Variants in MCM7 observed in about 807,000 individuals in gnomAD.
MCM7 encodes minichromosome maintenance complex component 7.
A neutral mutation model predicts 83.5 loss-of-function variants in MCM7; 95 were observed. The observed-to-expected ratio is 1.14, with a 90% CI of 0.96 to 1.35. MCM7 has a LOEUF of 1.35. MCM7 is among the 40% of genes most tolerant of loss of function. The pLI is 0.00. For synonymous variants in MCM7, 461 were observed against 352.7 expected, an observed-to-expected ratio of 1.31 and a Z score of -3.44; for missense variants, 1,087 against 957.4, an observed-to-expected ratio of 1.14 and a Z score of -1.79.
In MCM7 at chr7:100,100,272, A is replaced by C. The variant is rs1175274442; in HGVS notation, c.32-179T>G. 2.9e-6 allele frequency: 4 copies of C among 1,379,706 alleles called. No homozygotes were observed. In the African/African-American group the frequency reaches 4.4e-5, roughly 15 times the overall value. The allele number at this position is 1,379,706 out of a possible 1,614,324, so 85.5% of individuals were successfully genotyped here. On this transcript the variant is annotated intron_variant, in intron 1 of 14. Coordinates refer to ENST00000303887, the MANE Select transcript of MCM7 (RefSeq NM_005916.5). ...ACAAGTCTGTTTCTAACCAGCGAAG[A>C]ATAAAGAGCCCGTGGCAGTGCACAG...
chr7:100,095,406 G>A lies in MCM7; in HGVS notation c.1660C>T (p.Leu554=), dbSNP rs141578875. 4.3e-6 allele frequency: 7 copies of A among 1,613,586 alleles called. No individual in the cohort carries two copies. Among genetic ancestry groups the A allele is most frequent in the East Asian group, 2.2e-5 (1 of 44,888 alleles). ...TCCTACCTCATGAGCTTCATGTCCA[G>A]AGGTTCAAACTGGGAGGGGGGCTGC... ...SRQPPSQFEP[L]DMKLMRRYIA... Residue 554 remains leucine, a synonymous_variant, in exon 12 of 15, where the codon CTG becomes TTG. Coordinates refer to ENST00000303887, the MANE Select transcript of MCM7 (RefSeq NM_005916.5).
chr7:100,093,907 A>G (rs376156553), intron 13 of MCM7: 15 of 687,338 alleles, frequency 2.2e-5, no homozygotes, highest in Non-Finnish European at 4.2e-5. Flanking sequence ...TCTAGGACAC[A>G]TGGAGTGAAA....
chr7:100,093,814 A>T (rs1457314734), intron 13 of MCM7: 1 of 622,768 alleles, frequency 1.6e-6, no homozygotes. Flanking sequence ...GGGTAATCAC[A>T]CTACCTGCAC....
intron 10 of MCM7, 89 bp downstream of exon 10, chr7:100,097,212 C>A: frequency 8.8e-7 from 1 of 1,142,476 alleles, no homozygotes; most frequent in South Asian, 1.3e-5. Context: ...GGATTACAGG[C>A]GTGAGCAAAC....
At position 100,101,314 on chromosome 7, in the gene MCM7, G is replaced by A. The variant is rs1796015334; in HGVS notation, c.-20C>T. ...TGCCATCGCTGCCGAGGGCCGTGCG[G>A]CCGCGCTTGGCGGGCTCAGAGGTCT... is the stretch of plus-strand genomic sequence containing the variant. On this transcript the variant is annotated 5_prime_UTR_variant, in exon 1 of 15. Coordinates refer to ENST00000303887, the MANE Select transcript of MCM7 (RefSeq NM_005916.5). 3 of 1,613,024 alleles carry A rather than the reference G, an allele frequency of 1.9e-6. No individual in the cohort carries two copies. In the Admixed American group the frequency reaches 5.0e-5, roughly 27 times the overall value.
At chr7:100,095,302 A>C (rs771779518) in intron 12 of MCM7, 85 bp downstream of exon 12, 437 of 1,205,876 alleles carry the variant, frequency 3.6e-4, no homozygotes, top group Non-Finnish European at 4.8e-4. Flanking sequence ...TGTGAAAAAC[A>C]CACACCCTAA....
rs15015 is a variant in MCM7, at chr7:100,092,976, C to T, written c.2116G>A (p.Val706Ile). The T allele has an allele frequency of 7.4e-6, 12 of 1,614,102 alleles. No individual in the cohort carries two copies. The South Asian group carries it at 9.9e-5, about 13-fold the overall frequency. The change falls in exon 15 of 15, where the codon GTC (valine) becomes ATC (isoleucine). Residue 706 changes from valine (V) to isoleucine (I), a missense_variant. Coordinates refer to ENST00000303887, the MANE Select transcript of MCM7 (RefSeq NM_005916.5). ...GTCCGGGAAGCATTGACCTGCCAGACATTGAGCTCCTCATATTCATCCAGA... is the reference window on the plus strand; with the variant it reads ...GTCCGGGAAGCATTGACCTGCCAGATATTGAGCTCCTCATATTCATCCAGA... The part of the protein sequence containing the change: ...AALDEYEELN[V>I]WQVNASRTRI...
intron 10 of MCM7, 71 bp from the exon 11 acceptor site, chr7:100,096,238 G>A (rs539462032): frequency 1.5e-5 from 22 of 1,451,420 alleles, no homozygotes; most frequent in Middle Eastern, 3.7e-4. Context: ...GACAACAAAC[G>A]GGCCAGGGAG....
chr7:100,101,214 C>T (rs1299390925), intron 1 of MCM7, 50 bp downstream of exon 1: 1 of 1,610,134 alleles, frequency 6.2e-7, no homozygotes, highest in Non-Finnish European at 8.5e-7. Flanking sequence ...ACAGGTGTTC[C>T]CCGGGAGGCT....
At chr7:100,098,970 T>G in intron 5 of MCM7, 53 bp downstream of exon 5, 1 of 1,603,668 alleles carries the variant, frequency 6.2e-7, no homozygotes, top group Middle Eastern at 1.7e-4. Context: ...CAAATTAATC[T>G]CTACAAAACA....
At chr7:100,096,745 A>C (rs910561602) in intron 10 of MCM7, among the ~76,000 whole-genome samples, 1 of 151,798 alleles carries the variant, frequency 6.6e-6, no homozygotes, top group Non-Finnish European at 1.5e-5. Flanking sequence ...ATTGCACTCC[A>C]GTCTGGGTGA....
intron 3 of MCM7, 22 bp downstream of exon 3, chr7:100,099,567 C>T (rs1326386914): frequency 6.2e-6 from 10 of 1,611,306 alleles, no homozygotes; most frequent in Non-Finnish European, 5.1e-6. Flanking sequence ...CCTTTGTTTG[C>T]CATTGTTCTC....
intron 12 of MCM7, 147 bp from the exon 13 acceptor site, chr7:100,094,488 T>C: frequency 1.2e-6 from 1 of 853,200 alleles, no homozygotes; most frequent in African/African-American, 1.7e-5. Flanking sequence ...AGTGGGTGAT[T>C]ATTTGCTTGG....
chr7:100,101,213 C>T (rs768445188), intron 1 of MCM7, 51 bp downstream of exon 1: 2 of 1,608,618 alleles, frequency 1.2e-6, no homozygotes, highest in African/African-American at 1.3e-5. Flanking sequence ...AACAGGTGTT[C>T]CCCGGGAGGC....
At position 100,092,832 on chromosome 7, in the gene MCM7, A is replaced by G; in HGVS notation, c.*100T>C. 1 of 1,242,528 alleles carries G rather than the reference A, an allele frequency of 8.0e-7. No individual in the cohort carries two copies. The highest frequency in any genetic ancestry group is 1.2e-6 in the Non-Finnish European group (1 of 856,368). 77.0% of individuals were successfully genotyped at this position (1,242,528 alleles called of 1,614,324 possible). ...AAAAGGAGTAAGTGCAGCATGGGAGAAAGAGGGGCTCCTCCTTCCCCTCAA... is the reference window on the plus strand; with the variant it reads ...AAAAGGAGTAAGTGCAGCATGGGAGGAAGAGGGGCTCCTCCTTCCCCTCAA... On this transcript the variant is annotated 3_prime_UTR_variant, in exon 15 of 15. Transcript: ENST00000303887.
In MCM7 at chr7:100,099,406, A is replaced by G; in HGVS notation, c.277-3T>C. ...TCCAGGACATCTTTATTTACCACCT[A>G]AAGGAGAAGAACAAAAAAAAAAAAA... On this transcript the variant is annotated splice_region_variant and splice_polypyrimidine_tract_variant and intron_variant, in intron 3 of 14. Coordinates refer to ENST00000303887, the MANE Select transcript of MCM7 (RefSeq NM_005916.5). The G allele has an allele frequency of 6.3e-7, 1 of 1,590,460 alleles. No individual in the cohort carries two copies. Among genetic ancestry groups the G allele is most frequent in the Non-Finnish European group, 8.5e-7 (1 of 1,172,932 alleles).
rs894992040 is a variant in MCM7, at chr7:100,092,736, G to A, written c.*196C>T. The A allele has an allele frequency of 3.1e-5, 19 of 619,148 alleles. No individual in the cohort carries two copies. The highest frequency in any genetic ancestry group is 1.3e-4 in the African/African-American group (7 of 54,136). 38.4% of individuals were successfully genotyped at this position (619,148 alleles called of 1,614,324 possible). On this transcript the variant is annotated 3_prime_UTR_variant, in exon 15 of 15. Coordinates refer to ENST00000303887, the MANE Select transcript of MCM7 (RefSeq NM_005916.5). ...AAAAACGAACAGGAATCTAAAAAAC[G>A]CACAAAACCCTGTTTTAATGGAAGT...
intron 6 of MCM7, 117 bp from the exon 7 acceptor site, chr7:100,098,407 G>A: frequency 6.7e-7 from 1 of 1,483,630 alleles, no homozygotes. Context: ...GCCCACAGCA[G>A]GGGTGCTGAG....
intron 5 of MCM7, 119 bp from the exon 6 acceptor site, chr7:100,098,834 T>A: frequency 7.0e-7 from 1 of 1,429,004 alleles, no homozygotes; most frequent in East Asian, 2.3e-5. Context: ...AAGAACCCTC[T>A]GAACTTACTC....
Sources: allele counts gnomAD v4.1 joint callset (sites outside exome capture counted in the v4.1 genomes callset), GRCh38; gene constraint gnomAD v4.1.1; transcripts MANE v1.5; gene names NCBI Gene and HGNC (gene_info 2026-07-23, HGNC 2026-07-21).